Variants in INO80C observed in about 807,000 individuals in gnomAD.
The protein encoded by INO80C is IES6 homolog.
In INO80C, 17 loss-of-function variants were observed where a neutral mutation model predicts 17.7. That is an observed-to-expected ratio of 0.96 (90% CI 0.66 to 1.44). The LOEUF is 1.44. INO80C is among the 40% of genes most tolerant of loss of function. INO80C has a pLI of 0.00. For synonymous variants in INO80C, 96 were observed against 95.8 expected (o/e 1.00, Z -0.01); for missense variants, 244 against 245.0 (o/e 1.00, Z 0.03).
chr18:35,478,239 A>G lies in INO80C; in HGVS notation c.447+43T>C, dbSNP rs116727538. ...CTTGTCTAATTAGACATTACTGTGA[A>G]ATCTTTTCCATTTAATGTTATAAGA... On this transcript the variant is annotated intron_variant, in intron 4 of 4. Transcript: ENST00000334598. The G allele has an allele frequency of 2.3e-3, 3,265 of 1,395,272 alleles. 62 individuals are homozygous for G. In the African/African-American group the frequency reaches 0.042, roughly 18 times the overall value. The allele number at this position is 1,395,272 out of a possible 1,614,324, so 86.4% of individuals were successfully genotyped here.
Position 35,497,943 on chromosome 18 carries a change from T to A in INO80C, c.-69A>T, listed in dbSNP as rs1211648861. The stretch of plus-strand genomic sequence containing the variant: ...GCGGGCCTTGGAACTTCCTTTCCGC[T>A]GTTACTTCCGTCTTGATGCTTGAAA... On this transcript the variant is annotated 5_prime_UTR_variant, in exon 1 of 5. Coordinates refer to ENST00000334598, the MANE Select transcript of INO80C (RefSeq NM_194281.4). The A allele has an allele frequency of 7.0e-7, 1 of 1,438,836 alleles. No homozygotes were observed. Among genetic ancestry groups the A allele is most frequent in the Admixed American group, 2.7e-5 (1 of 37,538 alleles). 89.1% of individuals were successfully genotyped at this position (1,438,836 alleles called of 1,614,324 possible).
At chr18:35,479,483 GCCTA>G in intron 2 of INO80C, 72 bp from the exon 3 acceptor site, 1 of 900,492 alleles carries the variant, frequency 1.1e-6, no homozygotes, top group Non-Finnish European at 1.8e-6. Context: ...TGACATTTAT[GCCTA>G]ATCATAACTG....
chr18:35,482,389 G>C (rs912625401), intron 1 of INO80C, among the ~76,000 whole-genome samples: 6 of 152,154 alleles, frequency 3.9e-5, no homozygotes, highest in Non-Finnish European at 8.8e-5. Flanking sequence ...GAGTATGGTG[G>C]AATATGAATA....
intron 4 of INO80C, among the ~76,000 whole-genome samples, chr18:35,474,585 G>A (rs1200651236): frequency 1.3e-5 from 2 of 151,972 alleles, no homozygotes; most frequent in Non-Finnish European, 2.9e-5. Context: ...TTCCGGGGAG[G>A]CTGAAGCACG....
At chr18:35,469,081 G>A (rs977965819) in intron 4 of INO80C, among the ~76,000 whole-genome samples, 3 of 152,088 alleles carry the variant, frequency 2.0e-5, no homozygotes, top group African/African-American at 7.2e-5. Flanking sequence ...TCCAACAAAT[G>A]TCCCAGGTCT....
intron 1 of INO80C, among the ~76,000 whole-genome samples, chr18:35,491,673 G>A (rs775050437): frequency 2.6e-5 from 4 of 152,182 alleles, no homozygotes; most frequent in Non-Finnish European, 5.9e-5. Context: ...CTAACAACAG[G>A]ATGAGAGGGA....
At chr18:35,497,680 C>G (rs1273923053) in intron 1 of INO80C, 39 bp downstream of exon 1, 1 of 1,591,292 alleles carries the variant, frequency 6.3e-7, no homozygotes. Context: ...AGTCCCGTTT[C>G]GCGACGCGCA....
At chr18:35,494,815 G>A (rs1232971823) in intron 1 of INO80C, among the ~76,000 whole-genome samples, 4 of 152,212 alleles carry the variant, frequency 2.6e-5, no homozygotes, top group Non-Finnish European at 5.9e-5. Flanking sequence ...CTAAATTTGT[G>A]ATAATTTGTA....
At chr18:35,474,201 G>GTC in intron 4 of INO80C, among the ~76,000 whole-genome samples, 1 of 77,142 alleles carries the variant, frequency 1.3e-5, no homozygotes, top group Non-Finnish European at 2.4e-5. Context: ...ATATGTGTGT[G>GTC]TGTGTCTATA....
At position 35,480,367 on chromosome 18, in the gene INO80C, G is replaced by A. The variant is rs879093714; in HGVS notation, c.267+86C>T. The A allele has an allele frequency of 3.4e-5, 31 of 904,080 alleles. 1 individual carries two copies. In the South Asian group the frequency reaches 3.5e-4, roughly 10 times the overall value. The allele number at this position is 904,080 out of a possible 1,614,324, so 56.0% of individuals were successfully genotyped here. ...GAGACTGAGGGAGGAGAGAATGCCA[G>A]TGCCACCCTGGCTACAGGCCCAGCA... is the stretch of plus-strand genomic sequence containing the variant. On this transcript the variant is annotated intron_variant, in intron 2 of 4. Transcript: ENST00000334598.
At chr18:35,474,649 TG>T (rs1302189038) in intron 4 of INO80C, among the ~76,000 whole-genome samples, 4 of 152,148 alleles carry the variant, frequency 2.6e-5, no homozygotes, top group African/African-American at 4.8e-5. Context: ...ATCACATCAC[TG>T]CACTCTAGCC....
intron 3 of INO80C, 105 bp from the exon 4 acceptor site, chr18:35,478,454 C>T: frequency 1.1e-6 from 1 of 917,386 alleles, no homozygotes; most frequent in East Asian, 2.7e-5. Flanking sequence ...TGAAAATTTC[C>T]TTTGTGATTA....
intron 4 of INO80C, among the ~76,000 whole-genome samples, chr18:35,472,910 G>T (rs575424661): frequency 6.6e-6 from 1 of 152,264 alleles, no homozygotes; most frequent in Admixed American, 6.5e-5. Context: ...CTGTGGGATT[G>T]TCCTTTAATG....
At chr18:35,477,221 G>A (rs1331432870) in intron 4 of INO80C, among the ~76,000 whole-genome samples, 1 of 151,606 alleles carries the variant, frequency 6.6e-6, no homozygotes, top group East Asian at 2.0e-4. Context: ...TCCAGCCTGG[G>A]CAACACAGTG....
intron 2 of INO80C, among the ~76,000 whole-genome samples, 158 bp from the exon 3 acceptor site, chr18:35,479,569 C>A (rs909131550): frequency 8.6e-5 from 13 of 152,000 alleles, no homozygotes; most frequent in African/African-American, 2.9e-4. Context: ...TCACTGTACA[C>A]ATTAACATGT....
At position 35,497,903 on chromosome 18, in the gene INO80C, C is replaced by A. The variant is rs371356687; in HGVS notation, c.-29G>T. 324 of 1,505,110 alleles carry A rather than the reference C, an allele frequency of 2.2e-4. No individual in the cohort carries two copies. Among genetic ancestry groups the A allele is most frequent in the Non-Finnish European group, 2.5e-4 (286 of 1,126,386 alleles). 93.2% of individuals were successfully genotyped at this position (1,505,110 alleles called of 1,614,324 possible). On this transcript the variant is annotated 5_prime_UTR_variant, in exon 1 of 5. Coordinates refer to ENST00000334598, the MANE Select transcript of INO80C (RefSeq NM_194281.4). The stretch of plus-strand genomic sequence containing the variant: ...ACTCCGAGTCTTCCCCTGGTCCCCC[C>A]ACCTTTTTCCCAGCGCGGGCCTTGG...
In INO80C at chr18:35,474,390, A is replaced by C. The variant is rs148329206; in HGVS notation, c.447+3892T>G. Among the ~76,000 whole-genome samples, 726 of 151,834 alleles carry C rather than the reference A, an allele frequency of 4.8e-3. 8 individuals are homozygous for C. The highest frequency in any genetic ancestry group is 0.017 in the African/African-American group (693 of 41,388). ...AGTTAAAGGAGAGACAACATGCAAG[A>C]TAGAAAGTTATTTCAGGTCAGGCAC... On this transcript the variant is annotated intron_variant, in intron 4 of 4. Coordinates refer to ENST00000334598, the MANE Select transcript of INO80C (RefSeq NM_194281.4).
intron 1 of INO80C, among the ~76,000 whole-genome samples, chr18:35,494,599 T>C (rs2045961928): frequency 6.6e-6 from 1 of 152,194 alleles, no homozygotes; most frequent in East Asian, 1.9e-4. Flanking sequence ...GGCCCTGCAG[T>C]CCTGCCGCCC....
chr18:35,478,344 T>G lies in INO80C; in HGVS notation c.385A>C (p.Ser129Arg), dbSNP rs1184602203. 8 of 1,563,738 alleles carry G rather than the reference T, an allele frequency of 5.1e-6. No individual in the cohort carries two copies. Among genetic ancestry groups the G allele is most frequent in the Non-Finnish European group, 6.9e-6 (8 of 1,156,904 alleles). Reference protein sequence around the residue: ...PWQLNDPNYFSIDAPPSFKPA... With the variant: ...PWQLNDPNYFRIDAPPSFKPA... Reference sequence around the variant, plus strand: ...TTAAAGGATGGAGGAGCATCAATACTGAAGTCTGGGAAAAAAAAAAAAAAA... The same window carrying G: ...TTAAAGGATGGAGGAGCATCAATACGGAAGTCTGGGAAAAAAAAAAAAAAA... The change falls in exon 4 of 5, where the codon AGT (serine) becomes CGT (arginine). Residue 129 changes from serine (S) to arginine (R), a missense_variant. By Grantham distance (110) the Ser-to-Arg change is moderately radical. Transcript: ENST00000334598.
Sources: allele counts gnomAD v4.1 joint callset (sites outside exome capture counted in the v4.1 genomes callset), GRCh38; gene constraint gnomAD v4.1.1; transcripts MANE v1.5; gene names NCBI Gene and HGNC (gene_info 2026-07-23, HGNC 2026-07-21).